The following FNDC3B variants were observed in gnomAD, a reference collection of about 807,000 sequenced individuals.
FNDC3B encodes fibronectin type III domain containing 3B, also known as fibronectin type III domain-containing protein 3B.
A neutral mutation model predicts 151.5 loss-of-function variants in FNDC3B; 12 were observed. That is an observed-to-expected ratio of 0.08 (90% confidence interval 0.05 to 0.13). The LOEUF is 0.13. Ranked by LOEUF, FNDC3B falls within the 10% of genes least tolerant of loss-of-function variation. The pLI is 1.00. For missense variants in FNDC3B, 1,214 were observed against 1,505.3 expected, an observed-to-expected ratio of 0.81 and a Z score of 3.20; for synonymous variants, 528 against 549.0, an observed-to-expected ratio of 0.96 and a Z score of 0.54.
intron 3 of FNDC3B, among the ~76,000 whole-genome samples, chr3:172,181,395 C>CAAAAAAAAAAAAAAAAAAAAAAAAAAA (rs755223783): frequency 4.2e-5 from 3 of 71,530 alleles, no homozygotes; most frequent in African/African-American, 1.9e-4. Context: ...ACTCTGTCTC[C>CAAAAAAAAAAAAAAAAAAAAAAAAAAA]AAAAAAAAAA....
At chr3:172,145,217 C>T (rs918054174) in intron 3 of FNDC3B, among the ~76,000 whole-genome samples, 4 of 151,882 alleles carry the variant, frequency 2.6e-5, no homozygotes, top group African/African-American at 9.7e-5. Flanking sequence ...AAAAAGCTCC[C>T]GGGTATGTAT....
chr3:172,228,105 T>C (rs1414337925), intron 4 of FNDC3B, among the ~76,000 whole-genome samples: 1 of 152,230 alleles, frequency 6.6e-6, no homozygotes, highest in African/African-American at 2.4e-5. Flanking sequence ...CTTACTTACT[T>C]ACTTACTTAC....
intron 11 of FNDC3B, among the ~76,000 whole-genome samples, chr3:172,317,712 G>A (rs1343623882): frequency 6.6e-6 from 1 of 152,214 alleles, no homozygotes; most frequent in Non-Finnish European, 1.5e-5. Context: ...GTTTACCTAA[G>A]CAGATGCTAA....
intron 6 of FNDC3B, 127 bp from the exon 7 acceptor site, chr3:172,285,799 C>A: frequency 2.9e-6 from 2 of 693,702 alleles, no homozygotes; most frequent in South Asian, 1.7e-5. Flanking sequence ...TTTGTAATAT[C>A]AAAAATTCAT....
intron 23 of FNDC3B, among the ~76,000 whole-genome samples, chr3:172,367,044 C>G (rs1386567747): frequency 6.6e-6 from 1 of 152,186 alleles, no homozygotes; most frequent in Non-Finnish European, 1.5e-5. Flanking sequence ...CAAGGCAAAT[C>G]AACCTAGAAT....
intron 3 of FNDC3B, among the ~76,000 whole-genome samples, chr3:172,161,506 C>T (rs569036396): frequency 4.9e-4 from 74 of 152,272 alleles, no homozygotes; most frequent in Non-Finnish European, 9.1e-4. Context: ...TATTGATTAC[C>T]AGACCAAGAA....
Position 172,279,899 on chromosome 3 carries a change from CGTTGTT to C in FNDC3B, c.791-6005_791-6000del, listed in dbSNP as rs59528273. 4.7e-4 allele frequency among the ~76,000 whole-genome samples: 71 copies of C among 151,468 alleles called. No homozygotes were observed. In the East Asian group the frequency reaches 9.5e-3, roughly 20 times the overall value. On this transcript the variant is annotated intron_variant, in intron 6 of 25. Coordinates refer to ENST00000415807, the MANE Select transcript of FNDC3B (RefSeq NM_022763.4). ...GTAGAAAAGCAATTCAACACATATT[CGTTGTT>C]GTTGTTGTTGTTGTTGTTGTTTGTT... is the stretch of plus-strand genomic sequence containing the variant.
chr3:172,322,438 A>G (rs9859151), intron 11 of FNDC3B, among the ~76,000 whole-genome samples: 48,641 of 152,062 alleles, frequency 0.32, 8,406 homozygotes, highest in African/African-American at 0.43. Flanking sequence ...AGAGAGTCAC[A>G]AGACCACCCG....
chr3:172,296,613 G>C (rs1461328475), intron 8 of FNDC3B, among the ~76,000 whole-genome samples: 1 of 152,172 alleles, frequency 6.6e-6, no homozygotes, highest in Non-Finnish European at 1.5e-5. Flanking sequence ...ATTCCCCACT[G>C]TATTTAGGAT....
chr3:172,330,757 G>A, intron 13 of FNDC3B, 42 bp downstream of exon 13: 1 of 1,510,782 alleles, frequency 6.6e-7, no homozygotes. Flanking sequence ...TTTTGTACGA[G>A]TCAGTATTAT....
At chr3:172,241,536 G>A (rs577199730) in intron 4 of FNDC3B, among the ~76,000 whole-genome samples, 13 of 151,810 alleles carry the variant, frequency 8.6e-5, no homozygotes, top group East Asian at 1.9e-4. Flanking sequence ...GCAAGGAAAA[G>A]CAAGTCACAT....
intron 8 of FNDC3B, among the ~76,000 whole-genome samples, chr3:172,296,834 A>G (rs1190777532): frequency 6.6e-6 from 1 of 152,170 alleles, no homozygotes; most frequent in Non-Finnish European, 1.5e-5. Context: ...TTCACGGGAT[A>G]TGAGACCTGT....
At chr3:172,103,766 C>T (rs62283814) in intron 1 of FNDC3B, among the ~76,000 whole-genome samples, 27,291 of 152,066 alleles carry the variant, frequency 0.18, 4,672 homozygotes, top group African/African-American at 0.45. Context: ...AACGCAAGAA[C>T]GTTTTTAAGG....
chr3:172,124,433 G>T (rs1055288245), intron 2 of FNDC3B, among the ~76,000 whole-genome samples: 3 of 152,226 alleles, frequency 2.0e-5, no homozygotes, highest in African/African-American at 7.2e-5. Context: ...AAGGCAGAAA[G>T]ATAAGTGTCA....
intron 10 of FNDC3B, among the ~76,000 whole-genome samples, chr3:172,309,096 T>C (rs530709061): frequency 3.5e-4 from 54 of 152,232 alleles, no homozygotes; most frequent in Non-Finnish European, 1.8e-4. Flanking sequence ...CTTTCCTCAA[T>C]TGTAAATCAG....
intron 3 of FNDC3B, among the ~76,000 whole-genome samples, chr3:172,182,360 G>A (rs923059175): frequency 2.6e-5 from 4 of 152,202 alleles, no homozygotes; most frequent in African/African-American, 7.2e-5. Flanking sequence ...AGGTTGAGTC[G>A]TAAGTGGCCA....
intron 17 of FNDC3B, 69 bp from the exon 18 acceptor site, chr3:172,342,942 C>A: frequency 1.1e-6 from 1 of 923,234 alleles, no homozygotes; most frequent in Non-Finnish European, 1.8e-6. Flanking sequence ...GTGGAATTTG[C>A]CTGATATGTA....
intron 8 of FNDC3B, among the ~76,000 whole-genome samples, chr3:172,295,717 G>A (rs1246378888): frequency 6.6e-6 from 1 of 152,164 alleles, no homozygotes; most frequent in Admixed American, 6.5e-5. Flanking sequence ...GAGCTATTTG[G>A]TATGGGTGTA....
chr3:172,114,337 G>A (rs1001101392), intron 2 of FNDC3B, among the ~76,000 whole-genome samples: 3 of 152,118 alleles, frequency 2.0e-5, no homozygotes, highest in Non-Finnish European at 4.4e-5. Context: ...AAAAGACAAG[G>A]TATTTAGTCA....
Sources: allele counts gnomAD v4.1 joint callset (sites outside exome capture counted in the v4.1 genomes callset), GRCh38; gene constraint gnomAD v4.1.1; transcripts MANE v1.5; gene names NCBI Gene and HGNC (gene_info 2026-07-23, HGNC 2026-07-21).